Variants in YWHAQ observed in about 807,000 individuals in gnomAD.
The protein encoded by YWHAQ is 14-3-3 protein theta.
A neutral mutation model predicts 28.3 loss-of-function variants in YWHAQ; 6 were observed. The ratio of observed to expected loss-of-function variants is 0.21; its 90% CI spans 0.12 to 0.42. YWHAQ has a LOEUF of 0.42. YWHAQ is among the 10% of genes least tolerant of loss of function. The probability of loss-of-function intolerance (pLI) is 1.00; values close to 1 mark genes in which losing one functional copy is unlikely to be tolerated. For missense variants in YWHAQ, 201 were observed against 305.6 expected (o/e 0.66, Z 2.55); for synonymous variants, 143 against 119.1 (o/e 1.20, Z -1.31).
At chr2:9,619,067 C>G (rs1667090717) in intron 2 of YWHAQ, among the ~76,000 whole-genome samples, 1 of 152,088 alleles carries the variant, frequency 6.6e-6, no homozygotes, top group South Asian at 2.1e-4. Context: ...TTTAAAGACT[C>G]AACAGACGTG....
At chr2:9,596,294 TA>T (rs1215532530) in intron 2 of YWHAQ, among the ~76,000 whole-genome samples, 1 of 151,796 alleles carries the variant, frequency 6.6e-6, no homozygotes, top group Admixed American at 6.6e-5. Flanking sequence ...AACTATTGTA[TA>T]AAACAATCCT....
At position 9,585,118 on chromosome 2, in the gene YWHAQ, C is replaced by T. The variant is rs1210649714; in HGVS notation, c.*168G>A. On this transcript the variant is annotated 3_prime_UTR_variant, in exon 6 of 6. Transcript: ENST00000238081. ...CACACCAGGAAGGCCAAGACAAACACAAATCAAGGAATGAAGTTTTCCCAA... is the reference window on the plus strand; with the variant it reads ...CACACCAGGAAGGCCAAGACAAACATAAATCAAGGAATGAAGTTTTCCCAA... The T allele has an allele frequency of 8.5e-6, 6 of 707,682 alleles. No individual in the cohort carries two copies. Among genetic ancestry groups the T allele is most frequent in the Non-Finnish European group, 1.2e-5 (5 of 418,924 alleles). 43.8% of individuals were successfully genotyped at this position (707,682 alleles called of 1,614,324 possible). A position where few individuals can be genotyped will look rare whatever the true frequency, so the allele number is the denominator to read the frequency against.
chr2:9,594,976 C>A (rs1325826560), intron 2 of YWHAQ, among the ~76,000 whole-genome samples: 1 of 152,176 alleles, frequency 6.6e-6, no homozygotes, highest in African/African-American at 2.4e-5. Flanking sequence ...TATGAGCTAA[C>A]CTCTTCTTTC....
At chr2:9,611,409 T>C (rs1290306002) in intron 2 of YWHAQ, among the ~76,000 whole-genome samples, 1 of 152,218 alleles carries the variant, frequency 6.6e-6, no homozygotes, top group Non-Finnish European at 1.5e-5. Flanking sequence ...AAGCTAACTT[T>C]CCTGGTTTTA....
chr2:9,620,661 CA>C (rs967327977), intron 2 of YWHAQ: 81 of 152,244 alleles, frequency 5.3e-4, no homozygotes, highest in African/African-American at 1.6e-3. Context: ...AGCTGGTTTC[CA>C]GGAATTAACA....
In YWHAQ at chr2:9,630,382, G is replaced by C; in HGVS notation, c.71C>G (p.Thr24Ser). 6.2e-7 allele frequency: 1 copy of C among 1,613,992 alleles called. No individual in the cohort carries two copies. The highest frequency in any genetic ancestry group is 8.5e-7 in the Non-Finnish European group (1 of 1,180,026). Reference protein sequence around the residue: ...EQAERYDDMATCMKAVTEQGA... With the variant: ...EQAERYDDMASCMKAVTEQGA... ...CTGCTCGGTCACTGCCTTCATGCAGGTGGCCATGTCGTCGTAGCGCTCGGC... is the reference window on the plus strand; with the variant it reads ...CTGCTCGGTCACTGCCTTCATGCAGCTGGCCATGTCGTCGTAGCGCTCGGC... Residue 24 changes from threonine to serine, a missense_variant, in exon 2 of 6, where the codon ACC becomes AGC. Thr to Ser is a moderately conservative substitution (Grantham distance 58, BLOSUM62 1). Around this residue, in one of 2 missense-constraint regions of YWHAQ, gnomAD observed 162 missense variants for 213.9 expected, o/e 0.76. Transcript: ENST00000238081. The surrounding 1 kb of genome is among the most constrained non-coding windows in gnomAD (Gnocchi z 5.6).
chr2:9,612,404 C>G (rs1208383768), intron 2 of YWHAQ, among the ~76,000 whole-genome samples: 1 of 152,128 alleles, frequency 6.6e-6, no homozygotes, highest in Non-Finnish European at 1.5e-5. Context: ...AGAATCAGAC[C>G]CTAACCTAGA....
rs1666317497 is a variant in YWHAQ, at chr2:9,585,163, T to TGC, written c.*122_*123insGC. Reference sequence around the variant, plus strand: ...TCCCAAAGCTGCAGTGTGAAAAGACTATAAACAGTTGATTCCATACACATG... The same window carrying TGC: ...TCCCAAAGCTGCAGTGTGAAAAGACTGCATAAACAGTTGATTCCATACACATG... On this transcript the variant is annotated 3_prime_UTR_variant, in exon 6 of 6. Transcript: ENST00000238081. 9.2e-7 allele frequency: 1 copy of TGC among 1,086,132 alleles called. No individual in the cohort carries two copies. The highest frequency in any genetic ancestry group is 1.4e-5 in the South Asian group (1 of 71,026). The allele number at this position is 1,086,132 out of a possible 1,614,324, so 67.3% of individuals were successfully genotyped here.
In YWHAQ at chr2:9,630,715, G is replaced by A. The variant is rs1160426363; in HGVS notation, c.-82-181C>T. On this transcript the variant is annotated intron_variant, in intron 1 of 5. Coordinates refer to ENST00000238081, the MANE Select transcript of YWHAQ (RefSeq NM_006826.4). This position sits in a 1 kb window ranked among gnomAD's most constrained non-coding sequence, Gnocchi z 5.6. ...CGGCCCGCGGCTGGAGGAGGCGGGGGCGGCGCGGAGGCCCCGCGCGCAGGG... is the reference window on the plus strand; with the variant it reads ...CGGCCCGCGGCTGGAGGAGGCGGGGACGGCGCGGAGGCCCCGCGCGCAGGG... 2.1e-5 allele frequency: 4 copies of A among 190,422 alleles called. No homozygotes were observed. The highest frequency in any genetic ancestry group is 3.2e-5 in the Non-Finnish European group (3 of 94,322). 11.8% of individuals were successfully genotyped at this position (190,422 alleles called of 1,614,324 possible).
intron 2 of YWHAQ, among the ~76,000 whole-genome samples, chr2:9,621,653 C>T (rs1667144506): frequency 6.6e-6 from 1 of 152,056 alleles, no homozygotes; most frequent in African/African-American, 2.4e-5. Flanking sequence ...TGTACATTTG[C>T]TGAGTTTTGA....
At chr2:9,589,205 C>T (rs1395619308) in intron 3 of YWHAQ, among the ~76,000 whole-genome samples, 1 of 152,178 alleles carries the variant, frequency 6.6e-6, no homozygotes, top group Non-Finnish European at 1.5e-5. Context: ...TATAGTAAAT[C>T]AGACTTTTTT....
intron 2 of YWHAQ, among the ~76,000 whole-genome samples, chr2:9,593,992 C>A (rs1000854001): frequency 2.7e-5 from 4 of 150,718 alleles, no homozygotes; most frequent in Non-Finnish European, 5.9e-5. Flanking sequence ...CACACACACA[C>A]ACACACACGC....
chr2:9,595,940 C>G (rs1666562114), intron 2 of YWHAQ, among the ~76,000 whole-genome samples: 1 of 151,936 alleles, frequency 6.6e-6, no homozygotes, highest in Admixed American at 6.6e-5. Flanking sequence ...AATTTGAAAA[C>G]TAAGAGGTCA....
Position 9,630,364 on chromosome 2 carries a change from G to C in YWHAQ, c.89C>G (p.Thr30Ser). The C allele has an allele frequency of 6.2e-7, 1 of 1,614,082 alleles. No homozygotes were observed. The highest frequency in any genetic ancestry group is 8.5e-7 in the Non-Finnish European group (1 of 1,180,036). The stretch of plus-strand genomic sequence containing the variant: ...GTTGGACAGCTCGGCGCCCTGCTCG[G>C]TCACTGCCTTCATGCAGGTGGCCAT... ...DDMATCMKAV[T>S]EQGAELSNEE... is the part of the protein sequence containing the mutation. The change falls in exon 2 of 6, where the codon ACC becomes AGC. Residue 30 changes from threonine to serine, a missense_variant. Coordinates refer to ENST00000238081, the MANE Select transcript of YWHAQ (RefSeq NM_006826.4). The surrounding 1 kb of genome is among the most constrained non-coding windows in gnomAD (Gnocchi z 5.6).
intron 2 of YWHAQ, among the ~76,000 whole-genome samples, chr2:9,597,794 T>TC (rs369535554): frequency 3.6e-4 from 55 of 151,416 alleles, no homozygotes; most frequent in African/African-American, 1.3e-3. Flanking sequence ...CAAACCTTTT[T>TC]TTTTTTTTTA....
intron 2 of YWHAQ, among the ~76,000 whole-genome samples, chr2:9,593,544 C>T (rs1038955124): frequency 9.9e-5 from 15 of 152,084 alleles, no homozygotes; most frequent in African/African-American, 3.4e-4. Context: ...ACAGAGGCTG[C>T]GTACAACAGC....
intron 2 of YWHAQ, among the ~76,000 whole-genome samples, chr2:9,628,290 G>A (rs1667287696): frequency 1.3e-5 from 2 of 152,162 alleles, no homozygotes. Flanking sequence ...GTATATAAAA[G>A]AGACTGTCCT....
At chr2:9,597,724 T>C (rs1299076859) in intron 2 of YWHAQ, among the ~76,000 whole-genome samples, 4 of 150,928 alleles carry the variant, frequency 2.7e-5, no homozygotes, top group African/African-American at 9.7e-5. Flanking sequence ...GGTGCCCATG[T>C]TAAGTTCATT....
chr2:9,627,300 GTCT>G (rs1667265986), intron 2 of YWHAQ, among the ~76,000 whole-genome samples: 1 of 152,114 alleles, frequency 6.6e-6, no homozygotes, highest in Non-Finnish European at 1.5e-5. Context: ...ACTTTAACTA[GTCT>G]TCTATAATTA....
Sources: gnomAD v4.1 joint callset for allele counts (sites outside exome capture counted in the v4.1 genomes callset) on GRCh38, gnomAD v4.1.1 for gene constraint, gnomAD v4.1.1 regional missense constraint, Gnocchi (gnomAD v3.1) non-coding constraint, MANE v1.5 for transcripts, NCBI Gene and HGNC (gene_info 2026-07-23, HGNC 2026-07-21) for gene names.